Variants in TRERF1 observed in about 807,000 individuals in gnomAD.
TRERF1 encodes transcriptional-regulating factor 1.
Under a neutral mutation model 122.9 loss-of-function variants are expected in TRERF1, and 27 were observed. The ratio of observed to expected loss-of-function variants is 0.22; its 90% CI spans 0.16 to 0.30. The LOEUF (loss-of-function observed/expected upper bound fraction) is 0.30, where lower values mean the gene tolerates loss of function less well. Among genes scored for constraint, TRERF1 ranks in the 10% least tolerant of loss-of-function variants. TRERF1 has a pLI of 1.00. For synonymous variants in TRERF1, 636 were observed against 641.7 expected, an observed-to-expected ratio of 0.99 and a Z score of 0.13; for missense variants, 1,248 against 1,560.3, an observed-to-expected ratio of 0.80 and a Z score of 3.37.
intron 2 of TRERF1, among the ~76,000 whole-genome samples, chr6:42,425,838 G>A (rs572435841): frequency 6.2e-5 from 9 of 144,462 alleles, no homozygotes; most frequent in South Asian, 4.5e-4. Flanking sequence ...CCAGTGCCCC[G>A]CCGGCCCCCT....
chr6:42,349,088 T>A (rs528151719), intron 3 of TRERF1, among the ~76,000 whole-genome samples: 1 of 152,134 alleles, frequency 6.6e-6, no homozygotes. Flanking sequence ...CCGTGAGGAT[T>A]TGGAGGTACC....
intron 2 of TRERF1, among the ~76,000 whole-genome samples, chr6:42,364,393 A>AT (rs1179437990): frequency 1.3e-5 from 2 of 151,850 alleles, no homozygotes; most frequent in Non-Finnish European, 1.5e-5. Context: ...GACATTTATT[A>AT]TTTTTTTCAT....
intron 2 of TRERF1, among the ~76,000 whole-genome samples, chr6:42,415,816 T>C (rs1168068389): frequency 6.6e-6 from 1 of 152,146 alleles, no homozygotes; most frequent in Non-Finnish European, 1.5e-5. Context: ...TTTTATATTT[T>C]TCATGCATGC....
At chr6:42,356,771 G>A (rs1326100220) in intron 3 of TRERF1, among the ~76,000 whole-genome samples, 1 of 151,854 alleles carries the variant, frequency 6.6e-6, no homozygotes, top group African/African-American at 2.4e-5. Flanking sequence ...ACGTGGTTTT[G>A]CCATGTTGGC....
intron 3 of TRERF1, among the ~76,000 whole-genome samples, chr6:42,326,265 A>C (rs969800768): frequency 1.3e-5 from 2 of 152,028 alleles, no homozygotes; most frequent in African/African-American, 4.8e-5. Flanking sequence ...GGCCTGTATG[A>C]GGGTGGTAGC....
chr6:42,344,707 G>T (rs1767937024), intron 3 of TRERF1, among the ~76,000 whole-genome samples: 1 of 152,154 alleles, frequency 6.6e-6, no homozygotes, highest in Non-Finnish European at 1.5e-5. Context: ...AGGACATGCT[G>T]CTTGCTAAAT....
chr6:42,297,714 T>G (rs1785348956), intron 4 of TRERF1, among the ~76,000 whole-genome samples: 1 of 152,188 alleles, frequency 6.6e-6, no homozygotes, highest in African/African-American at 2.4e-5. Context: ...TTTAAAGTGA[T>G]TTTTGTTGGT....
intron 2 of TRERF1, among the ~76,000 whole-genome samples, chr6:42,441,314 G>A (rs1001156304): frequency 1.3e-5 from 2 of 152,088 alleles, no homozygotes; most frequent in South Asian, 2.1e-4. Flanking sequence ...GAAATCTTAC[G>A]TAGAGTTGCT....
At chr6:42,413,428 AT>A (rs5875802) in intron 2 of TRERF1, among the ~76,000 whole-genome samples, 19,283 of 118,854 alleles carry the variant, frequency 0.16, 1,255 homozygotes, top group African/African-American at 0.3. Flanking sequence ...CAGAATCTGC[AT>A]TTTTTTTTTT....
At chr6:42,369,236 G>A (rs1773327084) in intron 2 of TRERF1, among the ~76,000 whole-genome samples, 1 of 152,154 alleles carries the variant, frequency 6.6e-6, no homozygotes, top group Non-Finnish European at 1.5e-5. Flanking sequence ...GATCACTTGA[G>A]GTCAAGAGCT....
intron 2 of TRERF1, among the ~76,000 whole-genome samples, chr6:42,434,486 G>A (rs985726736): frequency 2.6e-5 from 4 of 151,464 alleles, no homozygotes; most frequent in African/African-American, 9.7e-5. Context: ...GAAGCCAGAA[G>A]ACAATGGAAT....
At chr6:42,369,862 C>A (rs1773450510) in intron 2 of TRERF1, among the ~76,000 whole-genome samples, 1 of 152,102 alleles carries the variant, frequency 6.6e-6, no homozygotes. Context: ...AAAACCCAGG[C>A]CTAAAAACTT....
At chr6:42,290,267 G>T (rs1271672457) in intron 4 of TRERF1, among the ~76,000 whole-genome samples, 1 of 152,178 alleles carries the variant, frequency 6.6e-6, no homozygotes, top group Non-Finnish European at 1.5e-5. Context: ...AGAATACCTG[G>T]CACCCACTGG....
chr6:42,417,569 G>T (rs1022841717), intron 2 of TRERF1, among the ~76,000 whole-genome samples: 3 of 152,154 alleles, frequency 2.0e-5, no homozygotes, highest in African/African-American at 7.2e-5. Context: ...TGGTCCAAGG[G>T]TATAAAGAGG....
intron 8 of TRERF1, among the ~76,000 whole-genome samples, chr6:42,262,435 A>T (rs6942275): frequency 2.6e-5 from 1 of 38,114 alleles, no homozygotes; most frequent in Non-Finnish European, 4.8e-5. Context: ...CCCTAGGGGC[A>T]GAGAGAGAGA....
intron 8 of TRERF1, among the ~76,000 whole-genome samples, chr6:42,261,124 T>C (rs1208620170): frequency 6.6e-6 from 1 of 151,282 alleles, no homozygotes; most frequent in Non-Finnish European, 1.5e-5. Context: ...CCTCAGCGCC[T>C]GAGGCTGAGG....
intron 2 of TRERF1, among the ~76,000 whole-genome samples, chr6:42,382,087 G>GGTGAGGA (rs1184024839): frequency 2.6e-4 from 40 of 151,776 alleles, no homozygotes; most frequent in African/African-American, 8.5e-4. Context: ...ATAATGAACA[G>GGTGAGGA]GTGAGGAGTG....
chr6:42,312,777 C>T (rs544295456), intron 3 of TRERF1, among the ~76,000 whole-genome samples: 1 of 152,252 alleles, frequency 6.6e-6, no homozygotes, highest in African/African-American at 2.4e-5. Context: ...GTCTTAGTGC[C>T]GGGTGTGGTG....
At chr6:42,338,696 C>A (rs1260228869) in intron 3 of TRERF1, among the ~76,000 whole-genome samples, 1 of 152,088 alleles carries the variant, frequency 6.6e-6, no homozygotes, top group Admixed American at 6.5e-5. Context: ...GCTCTCCCTG[C>A]ACCCAGCCTG....
Sources: gnomAD v4.1 joint callset for allele counts (sites outside exome capture counted in the v4.1 genomes callset) on GRCh38, gnomAD v4.1.1 for gene constraint, MANE v1.5 for transcripts, NCBI Gene and HGNC (gene_info 2026-07-23, HGNC 2026-07-21) for gene names.